The following ADK variants were observed in gnomAD, a reference collection of about 807,000 sequenced individuals.
The protein encoded by ADK is N6,N6-dimethyladenosine kinase.
A neutral mutation model predicts 44.7 loss-of-function variants in ADK; 24 were observed. The observed-to-expected ratio is 0.54, with a 90% CI of 0.39 to 0.76. ADK has a LOEUF of 0.76. Among genes scored for constraint, ADK ranks in the 30% least tolerant of loss-of-function variants. The pLI is 0.00. For missense variants in ADK, 321 were observed against 425.1 expected, an observed-to-expected ratio of 0.76 and a Z score of 2.15; for synonymous variants, 128 against 142.6, an observed-to-expected ratio of 0.90 and a Z score of 0.73.
chr10:74,432,639 A>G (rs1448628206), intron 6 of ADK, among the ~76,000 whole-genome samples: 1 of 152,216 alleles, frequency 6.6e-6, no homozygotes, highest in Non-Finnish European at 1.5e-5. Context: ...ACACGGGATC[A>G]TCATCTATAA....
intron 6 of ADK, among the ~76,000 whole-genome samples, chr10:74,465,056 A>C (rs1846305113): frequency 6.6e-6 from 1 of 152,212 alleles, no homozygotes; most frequent in Admixed American, 6.5e-5. Context: ...AATATCTAGT[A>C]TATTAGATGG....
At chr10:74,304,668 A>T (rs1840186440) in intron 3 of ADK, among the ~76,000 whole-genome samples, 1 of 152,238 alleles carries the variant, frequency 6.6e-6, no homozygotes, top group Non-Finnish European at 1.5e-5. Flanking sequence ...TTTTAAAAAT[A>T]TTCAAGGGAA....
chr10:74,595,127 A>G (rs1014521932), intron 8 of ADK, among the ~76,000 whole-genome samples: 6 of 149,890 alleles, frequency 4.0e-5, no homozygotes, highest in African/African-American at 1.5e-4. Context: ...AGTGAGCTGA[A>G]ATTGCACCAT....
chr10:74,220,195 C>T (rs954888016), intron 2 of ADK, among the ~76,000 whole-genome samples: 6 of 151,818 alleles, frequency 4.0e-5, no homozygotes, highest in African/African-American at 1.5e-4. Flanking sequence ...GATATCACCA[C>T]TGATCCCACA....
At chr10:74,379,588 G>A (rs1290526286) in intron 4 of ADK, among the ~76,000 whole-genome samples, 1 of 152,130 alleles carries the variant, frequency 6.6e-6, no homozygotes, top group African/African-American at 2.4e-5. Flanking sequence ...AGCCATACAG[G>A]TGTTAAATTG....
intron 8 of ADK, among the ~76,000 whole-genome samples, chr10:74,594,968 G>A (rs1274532846): frequency 6.6e-6 from 1 of 152,104 alleles, no homozygotes; most frequent in Non-Finnish European, 1.5e-5. Context: ...CTGACATCAG[G>A]AGTTCGAGAC....
At chr10:74,611,390 C>T (rs1852538498) in intron 9 of ADK, among the ~76,000 whole-genome samples, 1 of 151,774 alleles carries the variant, frequency 6.6e-6, no homozygotes, top group Non-Finnish European at 1.5e-5. Flanking sequence ...TAATTTTTCA[C>T]AAAGGGAGAA....
At chr10:74,695,328 C>T (rs1856137369) in intron 10 of ADK, among the ~76,000 whole-genome samples, 1 of 152,128 alleles carries the variant, frequency 6.6e-6, no homozygotes, top group Non-Finnish European at 1.5e-5. Context: ...TCTCCAATAA[C>T]CCAGCATATC....
intron 6 of ADK, among the ~76,000 whole-genome samples, chr10:74,429,685 T>C (rs757614556): frequency 2.0e-5 from 3 of 152,178 alleles, no homozygotes; most frequent in Non-Finnish European, 4.4e-5. Context: ...TAATCAGTTA[T>C]ACAAATATAA....
At chr10:74,434,311 A>G (rs1845109002) in intron 6 of ADK, among the ~76,000 whole-genome samples, 1 of 152,182 alleles carries the variant, frequency 6.6e-6, no homozygotes, top group Admixed American at 6.5e-5. Flanking sequence ...ATTATTAGAG[A>G]AAAGTGTAGT....
At chr10:74,445,736 G>T (rs771930879) in intron 6 of ADK, among the ~76,000 whole-genome samples, 8 of 152,024 alleles carry the variant, frequency 5.3e-5, no homozygotes, top group Non-Finnish European at 1.0e-4. Context: ...GGAAGTGGCT[G>T]TTGAGCCTTA....
At chr10:74,386,662 T>C (rs1020402702) in intron 4 of ADK, among the ~76,000 whole-genome samples, 5 of 152,228 alleles carry the variant, frequency 3.3e-5, no homozygotes, top group Non-Finnish European at 5.9e-5. Context: ...GTTGCCTAAA[T>C]TTCTTGAAGT....
At chr10:74,381,782 G>C (rs566313628) in intron 4 of ADK, among the ~76,000 whole-genome samples, 9 of 152,290 alleles carry the variant, frequency 5.9e-5, no homozygotes, top group African/African-American at 1.9e-4. Context: ...GAAGGAAGGG[G>C]TAATTTAATA....
intron 6 of ADK, among the ~76,000 whole-genome samples, chr10:74,516,312 G>A (rs979402145): frequency 6.6e-6 from 1 of 152,072 alleles, no homozygotes; most frequent in African/African-American, 2.4e-5. Flanking sequence ...GAGTTTGAGT[G>A]CCTCTATGCT....
At chr10:74,498,350 T>C (rs1175587273) in intron 6 of ADK, among the ~76,000 whole-genome samples, 3 of 152,214 alleles carry the variant, frequency 2.0e-5, no homozygotes, top group Non-Finnish European at 4.4e-5. Flanking sequence ...ACTTCTGTAG[T>C]AGAATGGGCA....
intron 3 of ADK, among the ~76,000 whole-genome samples, chr10:74,259,693 G>A (rs1477266507): frequency 1.3e-5 from 2 of 151,810 alleles, no homozygotes; most frequent in Non-Finnish European, 2.9e-5. Flanking sequence ...TCCTGACCTC[G>A]TGATCCGTCT....
chr10:74,566,624 A>G (rs1307868930), intron 7 of ADK, among the ~76,000 whole-genome samples: 1 of 152,224 alleles, frequency 6.6e-6, no homozygotes. Context: ...GCTTAAACAT[A>G]GTAAGATTTA....
chr10:74,194,638 G>A (rs2132128681), intron 1 of ADK, among the ~76,000 whole-genome samples: 1 of 152,304 alleles, frequency 6.6e-6, no homozygotes, highest in Admixed American at 6.5e-5. Flanking sequence ...TAAAACAATT[G>A]CTAACAATGT....
chr10:74,350,373 A>G (rs1841923752), intron 4 of ADK, among the ~76,000 whole-genome samples: 1 of 152,226 alleles, frequency 6.6e-6, no homozygotes, highest in South Asian at 2.1e-4. Flanking sequence ...ACCAATGAGA[A>G]CAAAGAGAAA....
Sources: gnomAD v4.1 joint callset for allele counts (sites outside exome capture counted in the v4.1 genomes callset) on GRCh38, gnomAD v4.1.1 for gene constraint, MANE v1.5 for transcripts, NCBI Gene and HGNC (gene_info 2026-07-23, HGNC 2026-07-21) for gene names.